LIMCH1: variants seen among roughly 807,000 people sequenced by gnomAD.
The protein encoded by LIMCH1 is LIM and calponin homology domains-containing protein 1.
In LIMCH1, 113 loss-of-function variants were observed where a neutral mutation model predicts 176.5. The ratio of observed to expected loss-of-function variants is 0.64; its 90% CI spans 0.55 to 0.75. The LOEUF is 0.75. LIMCH1 is among the 30% of genes least tolerant of loss of function. The pLI is 0.00. For synonymous variants in LIMCH1, 619 were observed against 645.9 expected (o/e 0.96, Z 0.63); for missense variants, 1,674 against 1,814.9 (o/e 0.92, Z 1.41).
At chr4:41,600,798 A>G (rs191023145) in intron 2 of LIMCH1, among the ~76,000 whole-genome samples, 1 of 151,350 alleles carries the variant, frequency 6.6e-6, no homozygotes, top group East Asian at 1.9e-4. Context: ...ACTGACTTGT[A>G]AAAAAAAAGA....
intron 17 of LIMCH1, among the ~76,000 whole-genome samples, chr4:41,648,035 A>G (rs1333280648): frequency 2.0e-5 from 3 of 152,136 alleles, no homozygotes; most frequent in South Asian, 2.1e-4. Context: ...ATGAGCTACT[A>G]ATCATATGGA....
intron 1 of LIMCH1, among the ~76,000 whole-genome samples, chr4:41,457,816 A>T (rs368702328): frequency 1.3e-5 from 2 of 152,230 alleles, no homozygotes; most frequent in African/African-American, 4.8e-5. Context: ...CTGGAGATTT[A>T]AAAAAAATCC....
intron 1 of LIMCH1, among the ~76,000 whole-genome samples, chr4:41,404,955 T>A (rs1202368946): frequency 2.6e-5 from 4 of 152,160 alleles, no homozygotes; most frequent in Non-Finnish European, 5.9e-5. Flanking sequence ...TGATATATTT[T>A]ATTGATTTTG....
At chr4:41,526,683 C>G (rs1260230083) in intron 3 of LIMCH1, among the ~76,000 whole-genome samples, 1 of 152,206 alleles carries the variant, frequency 6.6e-6, no homozygotes, top group African/African-American at 2.4e-5. Flanking sequence ...GAACTCCAGA[C>G]CTCGTGTTCT....
intron 4 of LIMCH1, chr4:41,612,669 G>A: frequency 1.4e-6 from 1 of 702,174 alleles, no homozygotes; most frequent in Non-Finnish European, 2.6e-6. Context: ...TGCTGCTTGT[G>A]CTGGAAAGAA....
upstream of LIMCH1, among the ~76,000 whole-genome samples, chr4:41,533,289 G>A (rs1380237109): frequency 2.0e-5 from 3 of 152,164 alleles, no homozygotes; most frequent in Non-Finnish European, 4.4e-5. Flanking sequence ...AAAGCAAGTT[G>A]CTAGGCCCAG....
At chr4:41,427,258 G>T (rs1444123735) in intron 1 of LIMCH1, among the ~76,000 whole-genome samples, 2 of 152,060 alleles carry the variant, frequency 1.3e-5, no homozygotes, top group Non-Finnish European at 2.9e-5. Context: ...ACTGCATAGG[G>T]CCTGCCTGCA....
At chr4:41,471,711 C>T (rs111715757) in intron 1 of LIMCH1, among the ~76,000 whole-genome samples, 157 of 152,314 alleles carry the variant, frequency 1.0e-3, no homozygotes, top group African/African-American at 3.7e-3. Flanking sequence ...CTGTGTTCCT[C>T]AATTCAGTTT....
At chr4:41,665,874 A>C (rs2094804916) in intron 20 of LIMCH1, among the ~76,000 whole-genome samples, 1 of 152,244 alleles carries the variant, frequency 6.6e-6, no homozygotes, top group Admixed American at 6.5e-5. Flanking sequence ...TAGCAATAAC[A>C]AGAAAAATCT....
chr4:41,566,538 C>T (rs1482754139), intron 1 of LIMCH1, among the ~76,000 whole-genome samples: 1 of 151,952 alleles, frequency 6.6e-6, no homozygotes, highest in Non-Finnish European at 1.5e-5. Context: ...TGAAAGAGAG[C>T]CTCAGCATGA....
chr4:41,395,213 A>G (rs1280160208), intron 1 of LIMCH1, among the ~76,000 whole-genome samples: 1 of 151,408 alleles, frequency 6.6e-6, no homozygotes, highest in Non-Finnish European at 1.5e-5. Context: ...TTCATCAGCT[A>G]GACTAGTAGA....
chr4:41,552,185 C>T (rs1000373103), intron 1 of LIMCH1, among the ~76,000 whole-genome samples: 1 of 152,120 alleles, frequency 6.6e-6, no homozygotes, highest in South Asian at 2.1e-4. Context: ...CAGTTACCTC[C>T]CACTGACTCC....
intron 18 of LIMCH1, among the ~76,000 whole-genome samples, chr4:41,651,786 TAA>T (rs1364368068): frequency 4.1e-4 from 62 of 152,230 alleles, no homozygotes; most frequent in Middle Eastern, 3.2e-3. Flanking sequence ...ATGGCAAAGC[TAA>T]AAAATGTATG....
At chr4:41,390,431 G>T (rs187044258) in intron 1 of LIMCH1, among the ~76,000 whole-genome samples, 1 of 152,292 alleles carries the variant, frequency 6.6e-6, no homozygotes, top group African/African-American at 2.4e-5. Context: ...CATGTAGTGC[G>T]TAAGGTCTGC....
intron 1 of LIMCH1, among the ~76,000 whole-genome samples, chr4:41,547,863 G>GTA (rs573342962): frequency 0.27 from 25,266 of 92,720 alleles, 3,246 homozygotes; most frequent in East Asian, 0.38. Context: ...TTGTGTGTGT[G>GTA]TATATATATA....
chr4:41,684,739 TA>T (rs552193751), intron 27 of LIMCH1, among the ~76,000 whole-genome samples: 9 of 149,652 alleles, frequency 6.0e-5, no homozygotes, highest in East Asian at 3.9e-4. Context: ...TGTTCGCACT[TA>T]AAAAAAAAAT....
Position 41,697,370 on chromosome 4 carries a change from G to GTT in LIMCH1, c.*200_*201dup, listed in dbSNP as rs10709122. ...TATGTTTTTCCTGTTTATTGTTTTG[G>GTT]TTTTTTTTTTTTTTTTGCATTTGCA... On this transcript the variant is annotated 3_prime_UTR_variant, in exon 32 of 32. Transcript: ENST00000503057. 0.011 allele frequency: 4,755 copies of GTT among 446,952 alleles called. 15 individuals are homozygous for GTT. The highest frequency in any genetic ancestry group is 0.032 in the African/African-American group (1,432 of 45,236). 27.7% of individuals were successfully genotyped at this position (446,952 alleles called of 1,614,324 possible).
At chr4:41,573,683 C>A (rs1333988271) in intron 1 of LIMCH1, among the ~76,000 whole-genome samples, 3 of 152,132 alleles carry the variant, frequency 2.0e-5, no homozygotes, top group South Asian at 2.1e-4. Context: ...TTGTGATGAG[C>A]AATACTGCAC....
At position 41,613,477 on chromosome 4, in the gene LIMCH1, C is replaced by G; in HGVS notation, c.21C>G (p.Asp7Glu). 1.2e-6 allele frequency: 2 copies of G among 1,613,828 alleles called. No homozygotes were observed. Among genetic ancestry groups the G allele is most frequent in the Non-Finnish European group, 1.7e-6 (2 of 1,179,764 alleles). The change falls in exon 5 of 32, where the codon GAC becomes GAG. Residue 7 changes from aspartate (D) to glutamate (E), a missense_variant. Physicochemically the swap from Asp to Glu is conservative, Grantham distance 45. Around this residue, in one of 3 missense-constraint regions of LIMCH1, gnomAD observed 655 missense variants for 692.2 expected, o/e 0.95. Coordinates refer to ENST00000503057, the MANE Select transcript of LIMCH1 (RefSeq NM_001330672.2). MRKDTDDIESPKRSIRD... is the reference protein window; with the variant it reads MRKDTDEIESPKRSIRD... ...TTCTTTTTTGACAGGACACTGATGA[C>G]ATTGAAAGTCCTAAACGCAGTATCC...
Sources: allele counts gnomAD v4.1 joint callset (sites outside exome capture counted in the v4.1 genomes callset), GRCh38; gene constraint gnomAD v4.1.1; regional missense constraint gnomAD v4.1.1; transcripts MANE v1.5; gene names NCBI Gene and HGNC (gene_info 2026-07-23, HGNC 2026-07-21).